Variants in PRKCD observed in about 807,000 individuals in gnomAD.
PRKCD encodes the protein protein kinase C delta.
In PRKCD, 20 loss-of-function variants were observed where a neutral mutation model predicts 82.2. That is an observed-to-expected ratio of 0.24 (90% CI 0.17 to 0.35). PRKCD has a LOEUF of 0.35. PRKCD is among the 10% of genes least tolerant of loss of function. The probability of loss-of-function intolerance (pLI) is 1.00; values close to 1 mark genes in which losing one functional copy is unlikely to be tolerated. For missense variants in PRKCD, 607 were observed against 899.0 expected (o/e 0.68, Z 4.15); for synonymous variants, 317 against 337.0 (o/e 0.94, Z 0.65).
chr3:53,190,215 AG>A (rs1553670550), intron 18 of PRKCD, among the ~76,000 whole-genome samples: 1 of 152,216 alleles, frequency 6.6e-6, no homozygotes, highest in East Asian at 1.9e-4. Context: ...CTGTATGCAG[AG>A]GACCCTGTTT....
chr3:53,179,605 G>C lies in PRKCD; in HGVS notation c.144G>C (p.Lys48Asn). 1 of 1,614,194 alleles carries C rather than the reference G, an allele frequency of 6.2e-7. No homozygotes were observed. The highest frequency in any genetic ancestry group is 8.5e-7 in the Non-Finnish European group (1 of 1,180,034). Residue 48 changes from lysine to asparagine, a missense_variant, in exon 4 of 19, where the codon AAG becomes AAC. Physicochemically the swap from Lys to Asn is moderately conservative, Grantham distance 94. Transcript: ENST00000330452. ...TERGKTLVQKKPTMYPEWKST... is the reference protein window; with the variant it reads ...TERGKTLVQKNPTMYPEWKST... The stretch of plus-strand genomic sequence containing the variant: ...GTGGGAAAACACTGGTGCAGAAGAA[G>C]CCGACCATGTATCCTGAGTGGAAGT...
At chr3:53,186,489 C>T in intron 13 of PRKCD, 115 bp from the exon 14 acceptor site, 2 of 1,380,976 alleles carry the variant, frequency 1.4e-6, no homozygotes, top group Middle Eastern at 1.8e-4. Context: ...CAGAGTCGTC[C>T]ACCTCAGCCA....
intron 8 of PRKCD, 104 bp from the exon 9 acceptor site, chr3:53,183,348 C>A (rs1365909855): frequency 1.3e-6 from 2 of 1,577,536 alleles, no homozygotes; most frequent in Non-Finnish European, 1.7e-6. Flanking sequence ...CCCAGTGGAG[C>A]TCTCTTGGGA....
rs1553670466 is a variant in PRKCD at position 53,189,944 on chromosome 3, C to T, written c.1815C>T (p.Thr605=). The part of the protein sequence containing the change: ...GNIKIHPFFK[T]INWTLLEKRR... ...TCAAAATCCACCCCTTCTTCAAGAC[C>T]ATAAACTGGACTCTGCTGGAAAAGC... Residue 605 remains threonine (T), a synonymous_variant, in exon 18 of 19, where the codon ACC becomes ACT. Coordinates refer to ENST00000330452, the MANE Select transcript of PRKCD (RefSeq NM_006254.4). 1.2e-6 allele frequency: 2 copies of T among 1,614,184 alleles called. No individual in the cohort carries two copies. The highest frequency in any genetic ancestry group is 1.7e-6 in the Non-Finnish European group (2 of 1,180,022).
chr3:53,186,837 G>A, intron 14 of PRKCD, 142 bp downstream of exon 14: 2 of 868,818 alleles, frequency 2.3e-6, no homozygotes, highest in Non-Finnish European at 3.6e-6. Context: ...GGGGAGATGT[G>A]GGGGTAGCCT....
At chr3:53,163,253 T>A (rs1402444336) in intron 1 of PRKCD, among the ~76,000 whole-genome samples, 1 of 151,736 alleles carries the variant, frequency 6.6e-6, no homozygotes, top group Non-Finnish European at 1.5e-5. Context: ...TGCCGGTGTA[T>A]GCTTGGGGAG....
rs191419250 is a variant in PRKCD at position 53,168,255 on chromosome 3, A to G, written c.-20+3040A>G. On this transcript the variant is annotated intron_variant, in intron 2 of 18. Coordinates refer to ENST00000330452, the MANE Select transcript of PRKCD (RefSeq NM_006254.4). ...GCTAGAAGAGTAGGGGGAGCTAGAA[A>G]ACCCCCTACACCCATGGCAGCTGGG... Among the ~76,000 whole-genome samples the G allele has an allele frequency of 3.5e-3, 539 of 152,276 alleles. 4 individuals carry two copies. The highest frequency in any genetic ancestry group is 0.012 in the African/African-American group (515 of 41,552).
chr3:53,180,909 G>T lies in PRKCD; in HGVS notation c.316-298G>T, dbSNP rs188755786. Among the ~76,000 whole-genome samples the T allele has an allele frequency of 4.4e-3, 666 of 152,268 alleles. 41 individuals are homozygous for T. The South Asian group carries it at 0.11, about 25-fold the overall frequency. On this transcript the variant is annotated intron_variant, in intron 4 of 18. Coordinates refer to ENST00000330452, the MANE Select transcript of PRKCD (RefSeq NM_006254.4). ...GATCCTTGCTAAGGGAGCTGCAGCG[G>T]GTAGGGGTGGGGAATTTCCCTTCCC...
intron 18 of PRKCD, 93 bp downstream of exon 18, chr3:53,190,094 C>T: frequency 6.5e-7 from 1 of 1,540,088 alleles, no homozygotes; most frequent in Non-Finnish European, 8.9e-7. Context: ...TCCACCTCTC[C>T]CTTCTTCCAG....
chr3:53,185,634 T>C lies in PRKCD; in HGVS notation c.919T>C (p.Ser307Pro). 6.2e-7 allele frequency: 1 copy of C among 1,613,456 alleles called. No homozygotes were observed. The highest frequency in any genetic ancestry group is 8.5e-7 in the Non-Finnish European group (1 of 1,180,020). Reference protein sequence around the residue: ...RASRRSDSASSEPVGIYQGFE... With the variant: ...RASRRSDSASPEPVGIYQGFE... ...CTCCCGGAGATCAGACTCAGCCTCC[T>C]CAGAGCCTGTTGGGATATATCAGGG... Residue 307 changes from serine (S) to proline (P), a missense_variant, in exon 11 of 19, where the codon TCA (serine) becomes CCA (proline). Ser to Pro is a moderately conservative substitution (Grantham distance 74, BLOSUM62 -1). This residue lies in a region of PRKCD where 85 missense variants were observed against 76.1 expected (regional missense o/e 1.12). Coordinates refer to ENST00000330452, the MANE Select transcript of PRKCD (RefSeq NM_006254.4).
chr3:53,164,405 A>G (rs782394622), intron 1 of PRKCD, among the ~76,000 whole-genome samples: 3 of 152,146 alleles, frequency 2.0e-5, no homozygotes, highest in Non-Finnish European at 4.4e-5. Flanking sequence ...CAACATGGTG[A>G]AACCCTGTCT....
intron 8 of PRKCD, 66 bp from the exon 9 acceptor site, chr3:53,183,386 G>C: frequency 6.2e-7 from 1 of 1,603,534 alleles, no homozygotes; most frequent in South Asian, 1.1e-5. Flanking sequence ...TTGGGGGAGA[G>C]CTAGGGGTTG....
chr3:53,186,036 T>C lies in PRKCD; in HGVS notation c.1086+9T>C, dbSNP rs1486351156. 10 of 1,613,908 alleles carry C rather than the reference T, an allele frequency of 6.2e-6. No homozygotes were observed. Among genetic ancestry groups the C allele is most frequent in the Non-Finnish European group, 8.5e-6 (10 of 1,179,902 alleles). On this transcript the variant is annotated intron_variant, in intron 12 of 18. Transcript: ENST00000330452. ...AAGGCAGCTTCGGGAAGGTGAGGGC[T>C]GTGAGCCGGGCACCTGCTTCCCACC...
chr3:53,183,126 A>T lies in PRKCD; in HGVS notation c.577A>T (p.Asn193Tyr). ...NKQGYKCRQCNAAIHKKCIDK... is the reference protein window; with the variant it reads ...NKQGYKCRQCYAAIHKKCIDK... ...TGGGCCTGTGCCTCTTCAAGAATGT[A>T]ACGCTGCCATCCACAAGAAATGCAT... The change falls in exon 8 of 19, where the codon AAC (asparagine) becomes TAC (tyrosine). Residue 193 changes from asparagine to tyrosine, a missense_variant. Transcript: ENST00000330452. The T allele has an allele frequency of 1.2e-6, 2 of 1,614,162 alleles. No individual in the cohort carries two copies. The highest frequency in any genetic ancestry group is 1.7e-6 in the Non-Finnish European group (2 of 1,180,012).
intron 1 of PRKCD, among the ~76,000 whole-genome samples, chr3:53,163,080 T>C (rs1235151647): frequency 1.3e-5 from 2 of 151,640 alleles, no homozygotes; most frequent in Admixed American, 1.3e-4. Flanking sequence ...TGTGTGGTTG[T>C]GTGTGTGCGT....
chr3:53,192,021 G>A, intron 18 of PRKCD, 87 bp from the exon 19 acceptor site: 1 of 1,435,912 alleles, frequency 7.0e-7, no homozygotes, highest in Non-Finnish European at 9.7e-7. Context: ...GCTCTGGCCT[G>A]GCCCAGCCCT....
At chr3:53,171,882 TGA>T (rs1369449804) in intron 2 of PRKCD, among the ~76,000 whole-genome samples, 1 of 151,774 alleles carries the variant, frequency 6.6e-6, no homozygotes, top group East Asian at 1.9e-4. Context: ...CCAGGGGCAG[TGA>T]GAGCCTAGGA....
intron 18 of PRKCD, 88 bp downstream of exon 18, chr3:53,190,089 C>T (rs1553670535): frequency 6.5e-7 from 1 of 1,549,664 alleles, no homozygotes; most frequent in East Asian, 2.3e-5. Context: ...CGCTTTCCAC[C>T]TCTCCCTTCT....
At chr3:53,181,395 C>T in intron 5 of PRKCD, 49 bp from the exon 6 acceptor site, 1 of 1,609,822 alleles carries the variant, frequency 6.2e-7, no homozygotes, top group African/African-American at 1.3e-5. Context: ...TGTAGGGGTG[C>T]CACCCCTTCC....
Sources: gnomAD v4.1 joint callset for allele counts (sites outside exome capture counted in the v4.1 genomes callset) on GRCh38, gnomAD v4.1.1 for gene constraint, gnomAD v4.1.1 regional missense constraint, MANE v1.5 for transcripts, NCBI Gene and HGNC (gene_info 2026-07-23, HGNC 2026-07-21) for gene names.